Variants in COPS4 observed in about 807,000 individuals in gnomAD.
COPS4 encodes the protein COP9 signalosome subunit 4.
Under a neutral mutation model 55.1 loss-of-function variants are expected in COPS4, and 8 were observed. That is an observed-to-expected ratio of 0.15 (90% confidence interval 0.09 to 0.26). COPS4 has a LOEUF of 0.26. Ranked by LOEUF, COPS4 falls within the 10% of genes least tolerant of loss-of-function variation. The pLI is 1.00. For synonymous variants in COPS4, 185 were observed against 165.7 expected, an observed-to-expected ratio of 1.12 and a Z score of -0.90; for missense variants, 248 against 484.0, an observed-to-expected ratio of 0.51 and a Z score of 4.58.
chr4:83,062,997 C>T, intron 6 of COPS4, 79 bp from the exon 7 acceptor site: 1 of 1,272,882 alleles, frequency 7.9e-7, no homozygotes, highest in Non-Finnish European at 1.1e-6. Context: ...AAAATGAGGT[C>T]ATAAGATAGG....
At chr4:83,072,396 C>T (rs1260097773) in intron 9 of COPS4, among the ~76,000 whole-genome samples, 1 of 152,194 alleles carries the variant, frequency 6.6e-6, no homozygotes, top group Non-Finnish European at 1.5e-5. Context: ...CACTGCACTG[C>T]ACCCGGCCGA....
chr4:83,065,754 A>G (rs1731278282), intron 7 of COPS4, among the ~76,000 whole-genome samples: 1 of 152,220 alleles, frequency 6.6e-6, no homozygotes, highest in East Asian at 1.9e-4. Flanking sequence ...CCTTGGTTTG[A>G]TGCTCCTGGA....
At chr4:83,038,109 A>G (rs780600605) in intron 1 of COPS4, among the ~76,000 whole-genome samples, 67 of 152,244 alleles carry the variant, frequency 4.4e-4, no homozygotes, top group Non-Finnish European at 2.1e-4. Context: ...GAGAGCCACA[A>G]CGGAGGATAG....
At chr4:83,056,492 TAA>T (rs1731018124) in intron 4 of COPS4, among the ~76,000 whole-genome samples, 1 of 152,190 alleles carries the variant, frequency 6.6e-6, no homozygotes, top group South Asian at 2.1e-4. Context: ...AGTTTTTGTG[TAA>T]TGCAGTAAAA....
rs114451960 is a variant in COPS4, at chr4:83,038,803, G to A, written c.74+3505G>A. On this transcript the variant is annotated intron_variant, in intron 1 of 9. Coordinates refer to ENST00000264389, the MANE Select transcript of COPS4 (RefSeq NM_016129.3). ...ACTACAGGTGCATGCCACCACACCCGACTACTTTTTTTTGTATTTTTAGTA... is the reference window on the plus strand; with the variant it reads ...ACTACAGGTGCATGCCACCACACCCAACTACTTTTTTTTGTATTTTTAGTA... 8.3e-3 allele frequency among the ~76,000 whole-genome samples: 1,265 copies of A among 152,004 alleles called. 5 individuals carry two copies. The highest frequency in any genetic ancestry group is 0.014 in the Middle Eastern group (4 of 292).
intron 1 of COPS4, among the ~76,000 whole-genome samples, chr4:83,041,184 TC>T (rs1169311695): frequency 2.0e-5 from 3 of 151,540 alleles, no homozygotes; most frequent in African/African-American, 7.3e-5. Context: ...TGGCTCAGCC[TC>T]CTGAGTAGCT....
intron 1 of COPS4, among the ~76,000 whole-genome samples, chr4:83,042,097 T>C (rs1483169751): frequency 2.0e-5 from 3 of 151,614 alleles, no homozygotes; most frequent in Non-Finnish European, 4.4e-5. Flanking sequence ...ACTCTTGACC[T>C]CAAGTGATTG....
intron 8 of COPS4, among the ~76,000 whole-genome samples, chr4:83,068,203 T>G (rs925220100): frequency 6.6e-6 from 1 of 152,202 alleles, no homozygotes; most frequent in African/African-American, 2.4e-5. Context: ...GATAGTTATA[T>G]TCTTGTCCAA....
chr4:83,054,299 A>C (rs13102415), intron 4 of COPS4, among the ~76,000 whole-genome samples: 1 of 152,200 alleles, frequency 6.6e-6, no homozygotes, highest in South Asian at 2.1e-4. Context: ...CCAAGATCAC[A>C]CCACTGCACT....
chr4:83,068,418 GTT>G lies in COPS4; in HGVS notation c.1003-12_1003-11del. ...AAAAGATATGATAAAGTTTCTGAGAGTTTTTTTTTCCCCCAATAGGCGGAAAA... is the reference window on the plus strand; with the variant it reads ...AAAAGATATGATAAAGTTTCTGAGAGTTTTTTTCCCCCAATAGGCGGAAAA... On this transcript the variant is annotated intron_variant, in intron 8 of 9. Transcript: ENST00000264389. 6.7e-7 allele frequency: 1 copy of G among 1,500,160 alleles called. No individual in the cohort carries two copies. Among genetic ancestry groups the G allele is most frequent in the Non-Finnish European group, 9.2e-7 (1 of 1,086,122 alleles). 92.9% of individuals were successfully genotyped at this position (1,500,160 alleles called of 1,614,324 possible). A position where few individuals can be genotyped will look rare whatever the true frequency, so the allele number is the denominator to read the frequency against.
At chr4:83,051,106 A>AG (rs918542293) in intron 4 of COPS4, among the ~76,000 whole-genome samples, 9 of 151,774 alleles carry the variant, frequency 5.9e-5, no homozygotes, top group African/African-American at 2.2e-4. Flanking sequence ...ACCAAAAAAA[A>AG]AAAAAAAAAA....
rs10023411 is a variant in COPS4 at position 83,074,475 on chromosome 4, T to G, written c.1088-822T>G. Among the ~76,000 whole-genome samples the G allele has an allele frequency of 9.8e-3, 1,480 of 150,732 alleles. 30 individuals carry two copies. The highest frequency in any genetic ancestry group is 0.035 in the African/African-American group (1,421 of 41,072). ...ATTTTTTAGAGGTTTTTTTTTTTTTTTTTGGAGATGGAGTTTCACTCTTGT... is the reference window on the plus strand; with the variant it reads ...ATTTTTTAGAGGTTTTTTTTTTTTTGTTTGGAGATGGAGTTTCACTCTTGT... On this transcript the variant is annotated intron_variant, in intron 9 of 9. Transcript: ENST00000264389.
rs1730383106 is a variant in COPS4, at chr4:83,035,196, C to T, written c.-29C>T. ...GTTTTCTTTTTGGCTGCCAGAGGCCCCCGCATCCACCGCTGAGCTGGGAGA... is the reference window on the plus strand; with the variant it reads ...GTTTTCTTTTTGGCTGCCAGAGGCCTCCGCATCCACCGCTGAGCTGGGAGA... On this transcript the variant is annotated 5_prime_UTR_variant, in exon 1 of 10. Transcript: ENST00000264389. 5 of 1,536,870 alleles carry T rather than the reference C, an allele frequency of 3.3e-6. No individual in the cohort carries two copies. Among genetic ancestry groups the T allele is most frequent in the East Asian group, 5.0e-5 (2 of 40,300 alleles).
chr4:83,068,107 A>G (rs985394515), intron 8 of COPS4, among the ~76,000 whole-genome samples: 3 of 152,224 alleles, frequency 2.0e-5, no homozygotes, highest in African/African-American at 7.2e-5. Flanking sequence ...ATAAAATAAG[A>G]AAAACTAGTT....
chr4:83,043,518 CAAAAAAAAAAA>C (rs34480105), intron 1 of COPS4, among the ~76,000 whole-genome samples: 6 of 17,676 alleles, frequency 3.4e-4, no homozygotes, highest in African/African-American at 4.8e-4. Flanking sequence ...GACCCTGTCT[CAAAAAAAAAAA>C]AAAAAAAAAA....
chr4:83,068,418 G>GCT lies in COPS4; in HGVS notation c.1003-20_1003-19insCT, dbSNP rs1553897624. ...AAAAGATATGATAAAGTTTCTGAGA[G>GCT]TTTTTTTTTCCCCCAATAGGCGGAA... On this transcript the variant is annotated intron_variant, in intron 8 of 9. Coordinates refer to ENST00000264389, the MANE Select transcript of COPS4 (RefSeq NM_016129.3). The GCT allele has an allele frequency of 2.1e-5, 32 of 1,500,176 alleles. No individual in the cohort carries two copies. The highest frequency in any genetic ancestry group is 2.8e-5 in the African/African-American group (2 of 71,798). 92.9% of individuals were successfully genotyped at this position (1,500,176 alleles called of 1,614,324 possible). A position where few individuals can be genotyped will look rare whatever the true frequency, so the allele number is the denominator to read the frequency against.
At chr4:83,075,259 G>A in intron 9 of COPS4, 38 bp from the exon 10 acceptor site, 1 of 1,604,752 alleles carries the variant, frequency 6.2e-7, no homozygotes, top group Non-Finnish European at 8.5e-7. Flanking sequence ...TGAATACAAA[G>A]GAATAATTTT....
intron 9 of COPS4, among the ~76,000 whole-genome samples, chr4:83,070,243 C>T (rs1681151365): frequency 6.6e-6 from 1 of 152,130 alleles, no homozygotes; most frequent in Non-Finnish European, 1.5e-5. Flanking sequence ...GACCTTTCCC[C>T]ACTTATGCTA....
chr4:83,060,363 T>G (rs1186928599), intron 6 of COPS4, among the ~76,000 whole-genome samples: 3 of 150,970 alleles, frequency 2.0e-5, no homozygotes, highest in Non-Finnish European at 4.4e-5. Flanking sequence ...TTTTTTTTTT[T>G]TTTGAGACGG....
Sources: gnomAD v4.1 joint callset for allele counts (sites outside exome capture counted in the v4.1 genomes callset) on GRCh38, gnomAD v4.1.1 for gene constraint, MANE v1.5 for transcripts, NCBI Gene and HGNC (gene_info 2026-07-23, HGNC 2026-07-21) for gene names.